The following EPDR1 variants were observed in gnomAD, a reference collection of about 807,000 sequenced individuals.
The protein encoded by EPDR1 is mammalian ependymin-related protein 1.
In EPDR1, 27 loss-of-function variants were observed where a neutral mutation model predicts 23.7. That is an observed-to-expected ratio of 1.14 (90% CI 0.84 to 1.57). The LOEUF is 1.57. Among genes scored for constraint, EPDR1 ranks in the 40% most tolerant of loss-of-function variants. EPDR1 has a pLI of 0.00. For missense variants in EPDR1, 349 were observed against 290.4 expected (o/e 1.20, Z -1.47); for synonymous variants, 137 against 118.2 (o/e 1.16, Z -1.03).
intron 1 of EPDR1, among the ~76,000 whole-genome samples, chr7:37,946,647 T>C (rs1786282459): frequency 6.6e-6 from 1 of 152,234 alleles, no homozygotes. Context: ...ATTGTTATTA[T>C]AGGAGGTGAC....
intron 1 of EPDR1, among the ~76,000 whole-genome samples, chr7:37,944,288 A>G (rs1786229235): frequency 6.6e-6 from 1 of 152,170 alleles, no homozygotes; most frequent in Non-Finnish European, 1.5e-5. Flanking sequence ...CTCAGCTTCG[A>G]AATTTACATG....
chr7:37,926,548 T>C lies in EPDR1; in HGVS notation c.269+5340T>C, dbSNP rs552912067. The C allele has an allele frequency of 1.0e-4, 28 of 274,632 alleles. No individual in the cohort carries two copies. In the South Asian group the frequency reaches 1.0e-3, roughly 10 times the overall value. The allele number at this position is 274,632 out of a possible 1,614,324, so 17.0% of individuals were successfully genotyped here. ...AAGTGTGGTGTCTCTGTGGTCTCTTTCTGTCTGGAATAGTTCCTAAGTCTT... is the reference window on the plus strand; with the variant it reads ...AAGTGTGGTGTCTCTGTGGTCTCTTCCTGTCTGGAATAGTTCCTAAGTCTT... On this transcript the variant is annotated intron_variant, in intron 1 of 2. Coordinates refer to ENST00000199448, the MANE Select transcript of EPDR1 (RefSeq NM_017549.5).
At chr7:37,939,169 C>T (rs1344884566) in intron 1 of EPDR1, among the ~76,000 whole-genome samples, 13 of 151,732 alleles carry the variant, frequency 8.6e-5, no homozygotes, top group Admixed American at 5.3e-4. Flanking sequence ...TTAGTAGAGA[C>T]GGGGTTTCAC....
At chr7:37,935,080 G>C (rs1365042346) in intron 1 of EPDR1, among the ~76,000 whole-genome samples, 1 of 152,168 alleles carries the variant, frequency 6.6e-6, no homozygotes. Flanking sequence ...AGGAGAATAT[G>C]CATAGGTTAT....
chr7:37,938,323 A>C (rs1273647174), intron 1 of EPDR1, among the ~76,000 whole-genome samples: 1 of 152,138 alleles, frequency 6.6e-6, no homozygotes, highest in African/African-American at 2.4e-5. Context: ...GGAAACAAAA[A>C]GAAGTCAGAG....
intron 1 of EPDR1, among the ~76,000 whole-genome samples, chr7:37,942,326 A>G (rs1003476112): frequency 6.6e-6 from 1 of 152,214 alleles, no homozygotes; most frequent in African/African-American, 2.4e-5. Flanking sequence ...CAGCGCAGAT[A>G]AACTTTGAAG....
intron 1 of EPDR1, among the ~76,000 whole-genome samples, chr7:37,946,826 G>GA (rs1188507094): frequency 6.6e-6 from 1 of 150,732 alleles, no homozygotes; most frequent in African/African-American, 2.4e-5. Context: ...TTTTAAAATA[G>GA]AAAAAAGCAT....
chr7:37,922,804 A>G (rs878878821), intron 1 of EPDR1, among the ~76,000 whole-genome samples: 1 of 152,216 alleles, frequency 6.6e-6, no homozygotes, highest in Non-Finnish European at 1.5e-5. Flanking sequence ...AGGTGAAGTC[A>G]CATAAATAAA....
chr7:37,930,515 G>A lies in EPDR1; in HGVS notation c.269+9307G>A, dbSNP rs987655493. Reference sequence around the variant, plus strand: ...TATCTTGGCATGGATTGTGTTTCCTGTAGGTGTGGGAGTTCTTCTTCTCAC... The same window carrying A: ...TATCTTGGCATGGATTGTGTTTCCTATAGGTGTGGGAGTTCTTCTTCTCAC... On this transcript the variant is annotated intron_variant, in intron 1 of 2. Coordinates refer to ENST00000199448, the MANE Select transcript of EPDR1 (RefSeq NM_017549.5). 3.9e-5 allele frequency among the ~76,000 whole-genome samples: 6 copies of A among 152,336 alleles called. No individual in the cohort carries two copies. In the East Asian group the frequency reaches 7.7e-4, roughly 20 times the overall value.
intron 1 of EPDR1, among the ~76,000 whole-genome samples, chr7:37,931,882 T>C (rs868324423): frequency 6.6e-6 from 1 of 152,144 alleles, no homozygotes. Flanking sequence ...TATTTATTTA[T>C]TTTTTGTAGT....
intron 1 of EPDR1, among the ~76,000 whole-genome samples, chr7:37,933,976 CTTTTTTT>C (rs576903776): frequency 7.5e-6 from 1 of 133,376 alleles, no homozygotes; most frequent in Non-Finnish European, 1.6e-5. Flanking sequence ...TTCTGCCATT[CTTTTTTT>C]TTTTTTTTTT....
intron 1 of EPDR1, among the ~76,000 whole-genome samples, chr7:37,926,108 G>T (rs1785803996): frequency 6.6e-6 from 1 of 152,164 alleles, no homozygotes; most frequent in South Asian, 2.1e-4. Context: ...ATCAGCTGTG[G>T]ATGATTAATT....
chr7:37,940,522 T>A (rs80173658), intron 1 of EPDR1, among the ~76,000 whole-genome samples: 1 of 152,138 alleles, frequency 6.6e-6, no homozygotes, highest in African/African-American at 2.4e-5. Context: ...AGTAAATTTT[T>A]GACACAATAC....
chr7:37,943,633 T>G (rs731201), intron 1 of EPDR1, among the ~76,000 whole-genome samples: 1 of 152,094 alleles, frequency 6.6e-6, no homozygotes, highest in African/African-American at 2.4e-5. Context: ...TTCCATTAAT[T>G]TATTATTTTC....
chr7:37,947,382 G>A (rs771595388), intron 1 of EPDR1, among the ~76,000 whole-genome samples: 4 of 152,148 alleles, frequency 2.6e-5, no homozygotes, highest in Middle Eastern at 3.2e-3. Context: ...TATGATGTTC[G>A]TGCAGTGATG....
At chr7:37,937,226 C>T (rs1443310577) in intron 1 of EPDR1, among the ~76,000 whole-genome samples, 3 of 151,964 alleles carry the variant, frequency 2.0e-5, no homozygotes, top group African/African-American at 7.3e-5. Context: ...CATCTCACAC[C>T]GTACATAAAA....
At chr7:37,932,658 G>A (rs1785968507) in intron 1 of EPDR1, among the ~76,000 whole-genome samples, 1 of 152,172 alleles carries the variant, frequency 6.6e-6, no homozygotes, top group South Asian at 2.1e-4. Context: ...ACCCTGCACT[G>A]TCCTTCCCAT....
rs144188132 is a variant in EPDR1, at chr7:37,951,535, T to A, written c.*1139T>A. ...GGTACCTTGTATGTTTACTTTTATA[T>A]CCCTAGCACAAAGCAAGTGCCTGGC... On this transcript the variant is annotated 3_prime_UTR_variant, in exon 3 of 3. Transcript: ENST00000199448. 1 of 152,230 alleles carries A rather than the reference T, an allele frequency of 6.6e-6. No homozygotes were observed. The highest frequency in any genetic ancestry group is 1.9e-4 in the East Asian group (1 of 5,204). 9.4% of individuals were successfully genotyped at this position (152,230 alleles called of 1,614,324 possible).
At chr7:37,929,276 C>T (rs929627261) in intron 1 of EPDR1, among the ~76,000 whole-genome samples, 1 of 152,206 alleles carries the variant, frequency 6.6e-6, no homozygotes, top group Non-Finnish European at 1.5e-5. Context: ...ATCTCCCCCA[C>T]CTTCCCTCAT....
Sources: gnomAD v4.1 joint callset for allele counts (sites outside exome capture counted in the v4.1 genomes callset) on GRCh38, gnomAD v4.1.1 for gene constraint, MANE v1.5 for transcripts, NCBI Gene and HGNC (gene_info 2026-07-23, HGNC 2026-07-21) for gene names.